DGKB: variants seen among roughly 807,000 people sequenced by gnomAD.
DGKB encodes the protein diacylglycerol kinase beta, also known as 90 kDa diacylglycerol kinase.
Under a neutral mutation model 114.3 loss-of-function variants are expected in DGKB, and 67 were observed. The ratio of observed to expected loss-of-function variants is 0.59; its 90% CI spans 0.48 to 0.72. DGKB has a LOEUF of 0.72. Among genes scored for constraint, DGKB ranks in the 30% least tolerant of loss-of-function variants. The pLI, the probability that DGKB is intolerant of heterozygous loss-of-function variation, is 0.00. For synonymous variants in DGKB, 398 were observed against 323.1 expected (o/e 1.23, Z -2.49); for missense variants, 907 against 975.2 (o/e 0.93, Z 0.93).
intron 23 of DGKB, among the ~76,000 whole-genome samples, chr7:14,268,711 C>T (rs1027979878): frequency 1.3e-5 from 2 of 152,068 alleles, no homozygotes; most frequent in Non-Finnish European, 2.9e-5. Flanking sequence ...GTTGGCTTAG[C>T]AATTTAATCT....
intron 23 of DGKB, among the ~76,000 whole-genome samples, chr7:14,313,331 CG>C (rs1272703206): frequency 1.1e-4 from 17 of 152,012 alleles, no homozygotes; most frequent in Admixed American, 1.0e-3. Flanking sequence ...ACGCAGAAGA[CG>C]GGTGATTTCT....
chr7:14,662,833 T>C (rs1817395663), intron 13 of DGKB, among the ~76,000 whole-genome samples: 1 of 151,964 alleles, frequency 6.6e-6, no homozygotes, highest in African/African-American at 2.4e-5. Context: ...TATAACTGTA[T>C]CACAGGTTTT....
chr7:14,708,992 G>T (rs1826823208), intron 6 of DGKB, among the ~76,000 whole-genome samples: 3 of 149,950 alleles, frequency 2.0e-5, no homozygotes, highest in Admixed American at 2.0e-4. Flanking sequence ...AAGAGCTTCT[G>T]CACAGCAAAA....
intron 13 of DGKB, among the ~76,000 whole-genome samples, chr7:14,671,880 G>A (rs992588788): frequency 2.0e-5 from 3 of 151,852 alleles, no homozygotes; most frequent in African/African-American, 7.3e-5. Context: ...ATTTTTATAT[G>A]GCTCTCATTT....
chr7:14,866,161 T>C (rs547952833), intron 1 of DGKB, among the ~76,000 whole-genome samples: 28 of 152,282 alleles, frequency 1.8e-4, no homozygotes, highest in Non-Finnish European at 3.2e-4. Context: ...TACGGCGATT[T>C]TTCTCATATC....
chr7:14,528,629 T>C (rs1299101411), intron 20 of DGKB, among the ~76,000 whole-genome samples: 1 of 151,982 alleles, frequency 6.6e-6, no homozygotes, highest in Admixed American at 6.6e-5. Flanking sequence ...GAAGAGTAGT[T>C]ATATGGTAAT....
At position 14,574,600 on chromosome 7, in the gene DGKB, AATT is replaced by A. The variant is rs371538242; in HGVS notation, c.1610-231_1610-229del. Among the ~76,000 whole-genome samples, 624 of 152,198 alleles carry A rather than the reference AATT, an allele frequency of 4.1e-3. 4 individuals carry two copies. Among genetic ancestry groups the A allele is most frequent in the African/African-American group, 0.014 (598 of 41,524 alleles). On this transcript the variant is annotated intron_variant, in intron 19 of 25. Coordinates refer to ENST00000402815, the MANE Select transcript of DGKB (RefSeq NM_001350709.2). ...ACTGTATTTCTCTTTTTGTGGTGCA[AATT>A]CTCAGCATATACAACTGCCAAGTGA...
chr7:14,726,984 G>C (rs1830121398), intron 5 of DGKB, among the ~76,000 whole-genome samples: 1 of 152,140 alleles, frequency 6.6e-6, no homozygotes, highest in Non-Finnish European at 1.5e-5. Context: ...GCTATGACTA[G>C]GTGTTTTTAT....
chr7:14,860,300 A>C (rs185759225), intron 1 of DGKB, among the ~76,000 whole-genome samples: 34 of 152,150 alleles, frequency 2.2e-4, no homozygotes, highest in Admixed American at 2.0e-3. Flanking sequence ...TTCTTACAAA[A>C]ATTTATTTCA....
intron 23 of DGKB, among the ~76,000 whole-genome samples, chr7:14,309,971 TA>T (rs767583213): frequency 2.0e-5 from 3 of 152,112 alleles, no homozygotes; most frequent in Non-Finnish European, 2.9e-5. Context: ...TATTAAGATT[TA>T]AAATCCTGGC....
intron 1 of DGKB, among the ~76,000 whole-genome samples, chr7:14,949,775 T>A (rs11971783): frequency 0.049 from 7,371 of 151,812 alleles, 563 homozygotes; most frequent in African/African-American, 0.16. Context: ...TGCAGCCATA[T>A]AAAAGGATGA....
chr7:14,265,318 CTTTTTTTTT>C (rs781569705), intron 23 of DGKB, among the ~76,000 whole-genome samples: 4 of 67,752 alleles, frequency 5.9e-5, no homozygotes, highest in Non-Finnish European at 1.0e-4. Flanking sequence ...CTCTTGCATT[CTTTTTTTTT>C]TTTTTTTTTT....
In DGKB at chr7:14,789,077, A is replaced by AT. The variant is rs199879067; in HGVS notation, c.71-31347dup. Among the ~76,000 whole-genome samples, 1,249 of 150,228 alleles carry AT rather than the reference A, an allele frequency of 8.3e-3. 12 individuals carry two copies. The highest frequency in any genetic ancestry group is 0.028 in the African/African-American group (1,134 of 40,918). ...AAAGCTGCAGCTTACCACTGGAGGA[A>AT]TTTTTTTTTTAATTAAATGTTGAAA... is the stretch of plus-strand genomic sequence containing the variant. On this transcript the variant is annotated intron_variant, in intron 2 of 25. Transcript: ENST00000402815.
At chr7:14,792,658 T>C (rs1382337538) in intron 2 of DGKB, among the ~76,000 whole-genome samples, 3 of 152,192 alleles carry the variant, frequency 2.0e-5, no homozygotes, top group Non-Finnish European at 2.9e-5. Flanking sequence ...TTGAGCAAAG[T>C]TTGAAGATTA....
intron 22 of DGKB, among the ~76,000 whole-genome samples, chr7:14,343,504 G>GT (rs1037397268): frequency 7.3e-5 from 11 of 151,682 alleles, no homozygotes; most frequent in African/African-American, 2.7e-4. Context: ...ATCTTTTGCT[G>GT]TAAACACAAC....
intron 1 of DGKB, among the ~76,000 whole-genome samples, chr7:14,859,771 C>T (rs1850705615): frequency 6.6e-6 from 1 of 152,044 alleles, no homozygotes; most frequent in Non-Finnish European, 1.5e-5. Context: ...CCCGTACCTC[C>T]TTCCCTGACT....
At chr7:14,880,360 A>C (rs745677661) in intron 1 of DGKB, among the ~76,000 whole-genome samples, 4 of 152,160 alleles carry the variant, frequency 2.6e-5, no homozygotes, top group Non-Finnish European at 5.9e-5. Context: ...CGGGAGGCTG[A>C]GGTAGAAGAA....
At chr7:14,280,289 G>T (rs1484934467) in intron 23 of DGKB, among the ~76,000 whole-genome samples, 6 of 152,050 alleles carry the variant, frequency 3.9e-5, no homozygotes, top group Non-Finnish European at 1.5e-5. Flanking sequence ...ATGAAATGAA[G>T]CGAGAAGGAA....
At chr7:14,864,101 CAAAA>C (rs34612317) in intron 1 of DGKB, among the ~76,000 whole-genome samples, 19 of 96,476 alleles carry the variant, frequency 2.0e-4, no homozygotes, top group Non-Finnish European at 3.0e-4. Flanking sequence ...AACTCTGTTT[CAAAA>C]AAAAAAAAAA....
Sources: gnomAD v4.1 joint callset for allele counts (sites outside exome capture counted in the v4.1 genomes callset) on GRCh38, gnomAD v4.1.1 for gene constraint, MANE v1.5 for transcripts, NCBI Gene and HGNC (gene_info 2026-07-23, HGNC 2026-07-21) for gene names.